Variants in ZNF366 observed in about 807,000 individuals in gnomAD.
ZNF366 encodes zinc finger protein 366.
A neutral mutation model predicts 47.2 loss-of-function variants in ZNF366; 20 were observed. That is an observed-to-expected ratio of 0.42 (90% CI 0.30 to 0.62). ZNF366 has a LOEUF of 0.62. ZNF366 is among the 20% of genes least tolerant of loss of function. The pLI is 0.16. For missense variants in ZNF366, 987 were observed against 976.3 expected, an observed-to-expected ratio of 1.01 and a Z score of -0.15; for synonymous variants, 421 against 395.1, an observed-to-expected ratio of 1.07 and a Z score of -0.78.
Position 72,459,930 on chromosome 5 carries a change from C to T in ZNF366, c.1332+235G>A, listed in dbSNP as rs140008125. ...AATGTCTGCATTATTTATTTCTAGG[C>T]CTACCTTAGAGTCTAGAAGGCTGCT... On this transcript the variant is annotated intron_variant, in intron 2 of 4. Transcript: ENST00000318442. Among the ~76,000 whole-genome samples the T allele has an allele frequency of 7.2e-5, 11 of 152,330 alleles. No individual in the cohort carries two copies. In the East Asian group the frequency reaches 2.1e-3, roughly 29 times the overall value.
chr5:72,484,966 G>T (rs958015646), intron 1 of ZNF366, among the ~76,000 whole-genome samples: 1 of 152,142 alleles, frequency 6.6e-6, no homozygotes, highest in African/African-American at 2.4e-5. Flanking sequence ...TTTAAAATGT[G>T]TGTGGCTTGA....
chr5:72,504,037 ACACACACATG>A (rs1744267697), intron 1 of ZNF366, among the ~76,000 whole-genome samples: 1 of 151,714 alleles, frequency 6.6e-6, no homozygotes, highest in Non-Finnish European at 1.5e-5. Flanking sequence ...CAGGCACCAC[ACACACACATG>A]CACACACGCA....
chr5:72,444,426 G>T (rs1742921478), intron 4 of ZNF366, 135 bp from the exon 5 acceptor site: 1 of 1,060,734 alleles, frequency 9.4e-7, no homozygotes, highest in Non-Finnish European at 1.3e-6. Flanking sequence ...CAGTAAGGAT[G>T]TGGTCTTGGG....
At chr5:72,505,001 T>C (rs1744292977) in intron 1 of ZNF366, among the ~76,000 whole-genome samples, 1 of 152,218 alleles carries the variant, frequency 6.6e-6, no homozygotes, top group African/African-American at 2.4e-5. Context: ...CTCACTCTAA[T>C]TTGACTCACA....
intron 1 of ZNF366, chr5:72,493,553 T>C (rs1400639148): frequency 6.6e-6 from 1 of 152,204 alleles, no homozygotes; most frequent in Non-Finnish European, 1.5e-5. Flanking sequence ...AAATGTTCTT[T>C]GCTGTCAGAA....
At chr5:72,462,830 C>T (rs553433146) in intron 1 of ZNF366, among the ~76,000 whole-genome samples, 2 of 152,146 alleles carry the variant, frequency 1.3e-5, no homozygotes, top group African/African-American at 4.8e-5. Context: ...GGATTACAGG[C>T]GTGAGCCACT....
chr5:72,465,581 G>A (rs1743413262), intron 1 of ZNF366, among the ~76,000 whole-genome samples: 1 of 152,138 alleles, frequency 6.6e-6, no homozygotes. Flanking sequence ...TATGCAGGAG[G>A]CAGGAGAGGC....
intron 1 of ZNF366, among the ~76,000 whole-genome samples, chr5:72,473,706 C>G (rs962160346): frequency 1.3e-5 from 2 of 152,194 alleles, no homozygotes; most frequent in African/African-American, 4.8e-5. Context: ...TGTTTCAAAT[C>G]CTATGACATT....
intron 4 of ZNF366, among the ~76,000 whole-genome samples, chr5:72,446,565 A>G (rs1019600566): frequency 9.2e-5 from 14 of 152,334 alleles, no homozygotes; most frequent in Non-Finnish European, 4.4e-5. Context: ...AAAGGCAGTG[A>G]GAACTTTTCA....
intron 1 of ZNF366, among the ~76,000 whole-genome samples, chr5:72,487,039 T>A (rs149959000): frequency 1.4e-4 from 21 of 152,316 alleles, no homozygotes; most frequent in African/African-American, 4.6e-4. Flanking sequence ...CCTCCCAAAG[T>A]GCTGGGATTA....
rs183583586 is a variant in ZNF366, at chr5:72,486,116, T to A, written c.-15+21135A>T. On this transcript the variant is annotated intron_variant, in intron 1 of 4. Coordinates refer to ENST00000318442, the MANE Select transcript of ZNF366 (RefSeq NM_152625.3). ...CATTGTTCATTTTCCTCCACTAGAA[T>A]GCAACTCTGTGTACACAGGAATATT... is the stretch of plus-strand genomic sequence containing the variant. Among the ~76,000 whole-genome samples the A allele has an allele frequency of 2.0e-5, 3 of 152,360 alleles. No individual in the cohort carries two copies. The East Asian group carries it at 5.8e-4, about 29-fold the overall frequency.
rs1192614709 is a variant in ZNF366 at position 72,447,229 on chromosome 5, A to T, written c.1699+14T>A. ...ACTGGACTGACTTGCAGGGCTTCCCAGAAGAGTGATTACCTTGGGAATGAA... is the reference window on the plus strand; with the variant it reads ...ACTGGACTGACTTGCAGGGCTTCCCTGAAGAGTGATTACCTTGGGAATGAA... On this transcript the variant is annotated intron_variant, in intron 4 of 4. Transcript: ENST00000318442. 2 of 1,613,634 alleles carry T rather than the reference A, an allele frequency of 1.2e-6. No individual in the cohort carries two copies. Among genetic ancestry groups the T allele is most frequent in the Non-Finnish European group, 1.7e-6 (2 of 1,179,766 alleles).
chr5:72,481,148 A>G lies in ZNF366; in HGVS notation c.-14-19638T>C, dbSNP rs144412994. Among the ~76,000 whole-genome samples, 862 of 152,370 alleles carry G rather than the reference A, an allele frequency of 5.7e-3. 8 individuals are homozygous for G. The highest frequency in any genetic ancestry group is 0.019 in the African/African-American group (782 of 41,584). On this transcript the variant is annotated intron_variant, in intron 1 of 4. Transcript: ENST00000318442. ...TGCAGCCTCATGGTTAGCAAAGAAC[A>G]GAAGAAAGTCCTGAAAGCAGTAGAG...
intron 1 of ZNF366, among the ~76,000 whole-genome samples, chr5:72,470,264 G>C (rs1311510086): frequency 6.6e-6 from 1 of 152,122 alleles, no homozygotes; most frequent in African/African-American, 2.4e-5. Flanking sequence ...ATCCTAAGTT[G>C]CCATGGCCCC....
intron 1 of ZNF366, among the ~76,000 whole-genome samples, chr5:72,480,062 A>G (rs1743762183): frequency 6.6e-6 from 1 of 152,268 alleles, no homozygotes; most frequent in Non-Finnish European, 1.5e-5. Context: ...AGGCAGAATC[A>G]TACATGAGAA....
chr5:72,474,135 T>C (rs189046608), intron 1 of ZNF366, among the ~76,000 whole-genome samples: 7 of 152,370 alleles, frequency 4.6e-5, no homozygotes, highest in Non-Finnish European at 1.0e-4. Flanking sequence ...AATTTGCACA[T>C]TGTTTAAAGA....
At chr5:72,472,456 C>T in intron 1 of ZNF366, 1 of 691,046 alleles carries the variant, frequency 1.4e-6, no homozygotes, top group Non-Finnish European at 1.8e-6. Flanking sequence ...AAAGTTTCCC[C>T]TTTCCCAACC....
chr5:72,444,206 C>G lies in ZNF366; in HGVS notation c.1785G>C (p.Gln595His), dbSNP rs548216614. 5 of 1,613,476 alleles carry G rather than the reference C, an allele frequency of 3.1e-6. No individual in the cohort carries two copies. In the South Asian group the frequency reaches 4.4e-5, roughly 14 times the overall value. ...ACACCGGCACCTTGGCCCGGCGCTT[C>G]TGAGAGAGGTCAAAGGGCTCCTCCT... is the stretch of plus-strand genomic sequence containing the variant. Reference protein sequence around the residue: ...LEQEEPFDLSQKRRAKVPVFQ... With the variant: ...LEQEEPFDLSHKRRAKVPVFQ... The change falls in exon 5 of 5, where the codon CAG becomes CAC. Residue 595 changes from glutamine to histidine, a missense_variant. Gln to His is a conservative substitution (Grantham distance 24, BLOSUM62 0). This residue lies in a region of ZNF366 where 285 missense variants were observed against 234.8 expected (regional missense o/e 1.21). Transcript: ENST00000318442.
At position 72,444,131 on chromosome 5, in the gene ZNF366, TTCC is replaced by T; in HGVS notation, c.1857_1859del (p.Glu622del). On this transcript the variant is annotated inframe_deletion, in exon 5 of 5. Coordinates refer to ENST00000318442, the MANE Select transcript of ZNF366 (RefSeq NM_152625.3). The stretch of plus-strand genomic sequence containing the variant: ...CCACCTCGTAGCAGTTATCCTCCTC[TTCC>T]TCCTCGTGGCAGTGGCTGCCCTGGG... The T allele has an allele frequency of 1.9e-6, 3 of 1,613,910 alleles. No homozygotes were observed. Among genetic ancestry groups the T allele is most frequent in the Non-Finnish European group, 2.5e-6 (3 of 1,180,032 alleles).
Sources: gnomAD v4.1 joint callset for allele counts (sites outside exome capture counted in the v4.1 genomes callset) on GRCh38, gnomAD v4.1.1 for gene constraint, gnomAD v4.1.1 regional missense constraint, MANE v1.5 for transcripts, NCBI Gene and HGNC (gene_info 2026-07-23, HGNC 2026-07-21) for gene names.